The following MAST2 variants were observed in gnomAD, a reference collection of about 807,000 sequenced individuals.
MAST2 encodes the protein microtubule-associated serine/threonine-protein kinase 2.
A neutral mutation model predicts 147.4 loss-of-function variants in MAST2; 70 were observed. The observed-to-expected ratio is 0.47, with a 90% CI of 0.39 to 0.58. The LOEUF is 0.58. Ranked by LOEUF, MAST2 falls within the 20% of genes least tolerant of loss-of-function variation. The pLI, the probability that MAST2 is intolerant of heterozygous loss-of-function variation, is 0.00. For synonymous variants in MAST2, 869 were observed against 896.8 expected (o/e 0.97, Z 0.55); for missense variants, 2,080 against 2,302.3 (o/e 0.90, Z 1.98).
intron 11 of MAST2, among the ~76,000 whole-genome samples, chr1:46,019,991 T>G (rs925939110): frequency 6.6e-6 from 1 of 152,112 alleles, no homozygotes. Context: ...CCCAGTTTAG[T>G]TTGTACAAGT....
intron 15 of MAST2, chr1:46,024,418 G>A (rs1323347728): frequency 4.7e-6 from 1 of 213,332 alleles, no homozygotes; most frequent in Non-Finnish European, 9.6e-6. Flanking sequence ...TCTGAGAATA[G>A]AACAGAAGAG....
chr1:45,916,288 T>C (rs1455749864), intron 4 of MAST2, among the ~76,000 whole-genome samples: 1 of 152,244 alleles, frequency 6.6e-6, no homozygotes, highest in Non-Finnish European at 1.5e-5. Flanking sequence ...ATGTGATACT[T>C]AAGTAATTTT....
Position 46,015,163 on chromosome 1 carries a change from C to T in MAST2, c.1188+4224C>T, listed in dbSNP as rs1348793653. Reference sequence around the variant, plus strand: ...ACACAACATACCAGAATCTCTGGGACGCATTCAAAGCAGTGTGTAGAGGGA... The same window carrying T: ...ACACAACATACCAGAATCTCTGGGATGCATTCAAAGCAGTGTGTAGAGGGA... On this transcript the variant is annotated intron_variant, in intron 10 of 28. Transcript: ENST00000361297. Among the ~76,000 whole-genome samples the T allele has an allele frequency of 7.9e-5, 12 of 151,058 alleles. 1 individual carries two copies. The highest frequency in any genetic ancestry group is 4.0e-4 in the Admixed American group (6 of 15,126).
chr1:46,017,235 T>A (rs1435296381), intron 10 of MAST2, among the ~76,000 whole-genome samples: 1 of 152,146 alleles, frequency 6.6e-6, no homozygotes, highest in Non-Finnish European at 1.5e-5. Flanking sequence ...GAAGAAAACC[T>A]AGGCATTACC....
In MAST2 at chr1:46,035,621, GGAAGCT is replaced by G; in HGVS notation, c.4955_4960del (p.Lys1652_Leu1653del). The G allele has an allele frequency of 6.2e-7, 1 of 1,613,888 alleles. No individual in the cohort carries two copies. Among genetic ancestry groups the G allele is most frequent in the South Asian group, 1.1e-5 (1 of 91,068 alleles). ...TGCTCTCCTCCCAGCTCCACCTCTG[GGAAGCT>G]GAGCATGTGGTCCTGGAAATCCCTT... On this transcript the variant is annotated inframe_deletion, in exon 29 of 29. Coordinates refer to ENST00000361297, the MANE Select transcript of MAST2 (RefSeq NM_015112.3). The surrounding 1 kb of genome is among the most constrained non-coding windows in gnomAD (Gnocchi z 5.5).
chr1:45,968,347 A>G (rs1362380373), intron 5 of MAST2, among the ~76,000 whole-genome samples: 3 of 152,072 alleles, frequency 2.0e-5, no homozygotes, highest in Non-Finnish European at 4.4e-5. Flanking sequence ...ACTTCTTTTA[A>G]CATTTCTTGC....
At chr1:45,989,044 C>G (rs1644759387) in intron 5 of MAST2, among the ~76,000 whole-genome samples, 1 of 152,124 alleles carries the variant, frequency 6.6e-6, no homozygotes, top group South Asian at 2.1e-4. Context: ...TCTAGTCCCT[C>G]TTAGCTGATT....
At chr1:46,006,427 C>T (rs763660798) in intron 8 of MAST2, 32 bp downstream of exon 8, 1 of 1,592,764 alleles carries the variant, frequency 6.3e-7, no homozygotes, top group South Asian at 1.1e-5. Context: ...TGTTCCAGTG[C>T]ATGTGGATTT....
chr1:45,829,919 G>A (rs1470104973), intron 3 of MAST2, among the ~76,000 whole-genome samples: 1 of 150,696 alleles, frequency 6.6e-6, no homozygotes, highest in Non-Finnish European at 1.5e-5. Context: ...CCAGGCTGGA[G>A]TGCAATGATG....
intron 10 of MAST2, among the ~76,000 whole-genome samples, chr1:46,011,592 A>T (rs1196214193): frequency 1.3e-5 from 2 of 152,188 alleles, no homozygotes; most frequent in Non-Finnish European, 2.9e-5. Flanking sequence ...TCTCACTCAG[A>T]CCACAGCGGC....
intron 5 of MAST2, among the ~76,000 whole-genome samples, chr1:45,970,612 G>A (rs1454454117): frequency 7.0e-6 from 1 of 142,072 alleles, no homozygotes; most frequent in Non-Finnish European, 1.5e-5. Context: ...AGCTTGCAGT[G>A]AGCCCAGATC....
At chr1:45,965,219 T>C (rs1488226260) in intron 5 of MAST2, among the ~76,000 whole-genome samples, 1 of 152,192 alleles carries the variant, frequency 6.6e-6, no homozygotes, top group South Asian at 2.1e-4. Flanking sequence ...GAGAGTTCTG[T>C]AGATGTCTAT....
intron 28 of MAST2, 38 bp downstream of exon 28, chr1:46,034,304 G>A (rs748119839): frequency 1.3e-6 from 2 of 1,572,126 alleles, no homozygotes; most frequent in Admixed American, 3.7e-5. Context: ...ACAACCCCTG[G>A]GAAATAGGAA....
chr1:45,914,459 C>G (rs1179869742), intron 4 of MAST2, among the ~76,000 whole-genome samples: 1 of 152,196 alleles, frequency 6.6e-6, no homozygotes, highest in Non-Finnish European at 1.5e-5. Context: ...AAGAGCAGCT[C>G]AGGCTTATTT....
chr1:45,825,501 C>T (rs947188674), intron 2 of MAST2, among the ~76,000 whole-genome samples: 17 of 151,088 alleles, frequency 1.1e-4, no homozygotes, highest in Non-Finnish European at 1.8e-4. Context: ...GGCATGATGT[C>T]TGCTCACTGC....
At position 46,032,641 on chromosome 1, in the gene MAST2, G is replaced by T; in HGVS notation, c.3460G>T (p.Gly1154Cys). 6.2e-7 allele frequency: 1 copy of T among 1,614,188 alleles called. No homozygotes were observed. Among genetic ancestry groups the T allele is most frequent in the Non-Finnish European group, 8.5e-7 (1 of 1,180,022 alleles). Residue 1154 changes from glycine (G) to cysteine (C), a missense_variant, in exon 26 of 29, where the codon GGT (glycine) becomes TGT (cysteine). Gly to Cys is a radical substitution (Grantham distance 159). Around this residue, in one of 4 missense-constraint regions of MAST2, gnomAD observed 1,278 missense variants for 1,304.2 expected, o/e 0.98. Coordinates refer to ENST00000361297, the MANE Select transcript of MAST2 (RefSeq NM_015112.3). The part of the protein sequence containing the change: ...GPASEAGLRQ[G>C]DLITHVNGEP... ...GGCCAGTGAGGCAGGGCTTCGTCAA[G>T]GTGACCTCATCACCCATGTCAATGG... is the stretch of plus-strand genomic sequence containing the variant.
intron 3 of MAST2, among the ~76,000 whole-genome samples, chr1:45,873,500 TTTC>T (rs1646482685): frequency 6.6e-6 from 1 of 151,880 alleles, no homozygotes; most frequent in Non-Finnish European, 1.5e-5. Context: ...ACCTGGTCAA[TTTC>T]TTATTATTAA....
At chr1:45,959,525 A>G in intron 5 of MAST2, 48 bp downstream of exon 5, 1 of 1,483,528 alleles carries the variant, frequency 6.7e-7, no homozygotes, top group African/African-American at 1.4e-5. Context: ...GTGGCCACAG[A>G]TGCCCAATTT....
Position 45,888,578 on chromosome 1 carries a change from G to T in MAST2, c.500+6183G>T, listed in dbSNP as rs190728007. Among the ~76,000 whole-genome samples the T allele has an allele frequency of 2.0e-5, 3 of 149,678 alleles. No homozygotes were observed. The Admixed American group carries it at 2.0e-4, about 10-fold the overall frequency. ...CGGGTATCACTCTGTTAGCCAGTATGGTCTCGATCTGCTGAACTTGTGATC... is the reference window on the plus strand; with the variant it reads ...CGGGTATCACTCTGTTAGCCAGTATTGTCTCGATCTGCTGAACTTGTGATC... On this transcript the variant is annotated intron_variant, in intron 4 of 28. Transcript: ENST00000361297.
Sources: gnomAD v4.1 joint callset for allele counts (sites outside exome capture counted in the v4.1 genomes callset) on GRCh38, gnomAD v4.1.1 for gene constraint, gnomAD v4.1.1 regional missense constraint, Gnocchi (gnomAD v3.1) non-coding constraint, MANE v1.5 for transcripts, NCBI Gene and HGNC (gene_info 2026-07-23, HGNC 2026-07-21) for gene names.